CACNA2D4: variants seen among roughly 807,000 people sequenced by gnomAD.
CACNA2D4 encodes calcium voltage-gated channel auxiliary subunit alpha2delta 4.
In CACNA2D4, 157 loss-of-function variants were observed where a neutral mutation model predicts 163.8. That is an observed-to-expected ratio of 0.96 (90% CI 0.84 to 1.09). The LOEUF (loss-of-function observed/expected upper bound fraction) is 1.09. CACNA2D4 is among the 50% of genes least tolerant of loss of function. CACNA2D4 has a pLI of 0.00. For missense variants in CACNA2D4, 1,410 were observed against 1,479.9 expected (o/e 0.95, Z 0.78); for synonymous variants, 598 against 586.9 (o/e 1.02, Z -0.27).
chr12:1,846,648 C>G lies in CACNA2D4; in HGVS notation c.2288G>C (p.Arg763Pro). The G allele has an allele frequency of 6.2e-7, 1 of 1,604,538 alleles. No homozygotes were observed. The change falls in exon 24 of 38, where the codon CGG becomes CCG. Residue 763 changes from arginine to proline, a missense_variant. Coordinates refer to ENST00000382722, the MANE Select transcript of CACNA2D4 (RefSeq NM_172364.5). Reference sequence around the variant, plus strand: ...CAAGCTGCTTCTCAGGAGGCCAGCCCGGGTGCCCAGGAAGGCCATGTCCAC... The same window carrying G: ...CAAGCTGCTTCTCAGGAGGCCAGCCGGGGTGCCCAGGAAGGCCATGTCCAC... ...HVVDMAFLGT[R>P]AGLLRSSLFV...
chr12:1,886,912 G>A (rs77739473), intron 7 of CACNA2D4, 97 bp downstream of exon 7: 17,623 of 784,684 alleles, frequency 0.022, 727 homozygotes, highest in African/African-American at 0.14. Context: ...CTTGAGTGGC[G>A]GTGGGGGAAG....
intron 18 of CACNA2D4, among the ~76,000 whole-genome samples, chr12:1,873,415 T>C (rs1270452077): frequency 6.6e-6 from 1 of 152,168 alleles, no homozygotes; most frequent in Non-Finnish European, 1.5e-5. Context: ...GGACTCTGCC[T>C]CAGTGGCTCT....
intron 16 of CACNA2D4, among the ~76,000 whole-genome samples, chr12:1,877,675 A>G (rs1294368677): frequency 2.0e-5 from 3 of 152,180 alleles, no homozygotes; most frequent in Admixed American, 2.0e-4. Flanking sequence ...TAAGACTGGT[A>G]GAGGGCAAAG....
At chr12:1,886,495 AC>A in intron 7 of CACNA2D4, 122 bp from the exon 8 acceptor site, 1 of 837,434 alleles carries the variant, frequency 1.2e-6, no homozygotes, top group Non-Finnish European at 1.9e-6. Context: ...GTTCAGGGCA[AC>A]CCATCTATGC....
chr12:1,833,042 G>C lies in CACNA2D4; in HGVS notation c.2551+7697C>G, dbSNP rs1864700021. 6.6e-6 allele frequency among the ~76,000 whole-genome samples: 1 copy of C among 152,180 alleles called. No individual in the cohort carries two copies. Among genetic ancestry groups the C allele is most frequent in the South Asian group, 2.1e-4 (1 of 4,834 alleles). ...AGGGGAACTAGGCCGGGTGTCTTCA[G>C]ACCCTCCTCTCCTGTGGTCGCCGGG... On this transcript the variant is annotated intron_variant, in intron 26 of 37. Coordinates refer to ENST00000382722, the MANE Select transcript of CACNA2D4 (RefSeq NM_172364.5). This position sits in a 1 kb window ranked among gnomAD's most constrained non-coding sequence, Gnocchi z 4.2.
At chr12:1,882,825 C>A (rs747366478) in intron 13 of CACNA2D4, 42 bp downstream of exon 13, 1 of 1,609,938 alleles carries the variant, frequency 6.2e-7, no homozygotes. Flanking sequence ...GTCCCTAACT[C>A]TGAGGTGGGC....
At chr12:1,859,476 G>A (rs889735454) in intron 19 of CACNA2D4, among the ~76,000 whole-genome samples, 2 of 152,180 alleles carry the variant, frequency 1.3e-5, no homozygotes, top group Non-Finnish European at 2.9e-5. Flanking sequence ...ATAATTCAGA[G>A]GTAACGACCA....
At chr12:1,850,442 CTCT>C (rs1865246883) in intron 23 of CACNA2D4, among the ~76,000 whole-genome samples, 2 of 152,108 alleles carry the variant, frequency 1.3e-5, no homozygotes, top group Admixed American at 1.3e-4. Context: ...GGTAGTTGAC[CTCT>C]TAAGTCTCAA....
intron 32 of CACNA2D4, 71 bp from the exon 33 acceptor site, chr12:1,800,123 A>G (rs1863262576): frequency 1.4e-6 from 2 of 1,445,826 alleles, no homozygotes; most frequent in African/African-American, 2.8e-5. Context: ...GAGCTGGAGT[A>G]TCCCTGACAG....
intron 26 of CACNA2D4, 117 bp from the exon 27 acceptor site, chr12:1,811,840 A>T: frequency 1.1e-6 from 1 of 901,068 alleles, no homozygotes; most frequent in Admixed American, 2.3e-5. Context: ...ACCGCAGCGG[A>T]TGGGAGGACT....
intron 26 of CACNA2D4, chr12:1,827,766 T>C (rs752412432): frequency 9.5e-6 from 2 of 211,576 alleles, no homozygotes; most frequent in Non-Finnish European, 1.9e-5. Flanking sequence ...CATGAAAACA[T>C]CTGAGTGATC....
chr12:1,811,451 G>A (rs899034002), intron 27 of CACNA2D4, among the ~76,000 whole-genome samples: 41 of 152,194 alleles, frequency 2.7e-4, no homozygotes, highest in African/African-American at 9.6e-4. Context: ...ACTCTGGGTC[G>A]TGCCCTCAGC....
In CACNA2D4 at chr12:1,793,305, G is replaced by T. The variant is rs549857425; in HGVS notation, c.*350C>A. 2 of 320,494 alleles carry T rather than the reference G, an allele frequency of 6.2e-6. No individual in the cohort carries two copies. Among genetic ancestry groups the T allele is most frequent in the Admixed American group, 4.2e-5 (1 of 23,834 alleles). The allele number at this position is 320,494 out of a possible 1,614,324, so 19.9% of individuals were successfully genotyped here. A position where few individuals can be genotyped will look rare whatever the true frequency, so the allele number is the denominator to read the frequency against. On this transcript the variant is annotated 3_prime_UTR_variant, in exon 38 of 38. Transcript: ENST00000382722. ...AAACAACTGACCCTTTCTTGGCTGG[G>T]TCTGGACTCTGGAGTACAGGAAGAA...
chr12:1,898,531 C>T (rs1866457932), intron 6 of CACNA2D4, among the ~76,000 whole-genome samples: 1 of 151,902 alleles, frequency 6.6e-6, no homozygotes, highest in African/African-American at 2.4e-5. Context: ...TGAGATACTA[C>T]CTCACACCCA....
rs1337916961 is a variant in CACNA2D4, at chr12:1,817,884, G to C, written c.2552-6161C>G. On this transcript the variant is annotated intron_variant, in intron 26 of 37. Coordinates refer to ENST00000382722, the MANE Select transcript of CACNA2D4 (RefSeq NM_172364.5). Reference sequence around the variant, plus strand: ...CTTGGCCTCCCAAAGTGCCGAGATTGCAGCCTCTGCCCGGCCACCACCCCG... The same window carrying C: ...CTTGGCCTCCCAAAGTGCCGAGATTCCAGCCTCTGCCCGGCCACCACCCCG... Among the ~76,000 whole-genome samples the C allele has an allele frequency of 3.3e-5, 5 of 152,154 alleles. No individual in the cohort carries two copies. The South Asian group carries it at 6.2e-4, about 19-fold the overall frequency.
rs1459302282 is a variant in CACNA2D4 at position 1,833,757 on chromosome 12, C to T, written c.2551+6982G>A. On this transcript the variant is annotated intron_variant, in intron 26 of 37. Coordinates refer to ENST00000382722, the MANE Select transcript of CACNA2D4 (RefSeq NM_172364.5). The surrounding 1 kb of genome is among the most constrained non-coding windows in gnomAD (Gnocchi z 4.2). The stretch of plus-strand genomic sequence containing the variant: ...CAGCGGCAGGGGCAGTGGGTTTTGA[C>T]TGCTGTCCTTTGAGTGAGAGGTAAG... 6.6e-6 allele frequency among the ~76,000 whole-genome samples: 1 copy of T among 152,216 alleles called. No individual in the cohort carries two copies. The highest frequency in any genetic ancestry group is 2.4e-5 in the African/African-American group (1 of 41,450).
At chr12:1,911,304 C>T (rs1051757073) in intron 3 of CACNA2D4, among the ~76,000 whole-genome samples, 8 of 152,042 alleles carry the variant, frequency 5.3e-5, no homozygotes, top group South Asian at 2.1e-4. Flanking sequence ...CGTGAGCCAC[C>T]GTGCCTGGCA....
At chr12:1,904,685 T>C (rs1192466344) in intron 6 of CACNA2D4, among the ~76,000 whole-genome samples, 1 of 152,056 alleles carries the variant, frequency 6.6e-6, no homozygotes, top group Non-Finnish European at 1.5e-5. Context: ...AATTAGAATG[T>C]TATAATTTTA....
intron 6 of CACNA2D4, among the ~76,000 whole-genome samples, chr12:1,891,925 G>A (rs1403447351): frequency 6.6e-6 from 1 of 152,020 alleles, no homozygotes. Context: ...GTGACATATA[G>A]GACATCATTA....
Sources: allele counts gnomAD v4.1 joint callset (sites outside exome capture counted in the v4.1 genomes callset), GRCh38; gene constraint gnomAD v4.1.1; non-coding constraint Gnocchi (gnomAD v3.1); transcripts MANE v1.5; gene names NCBI Gene and HGNC (gene_info 2026-07-23, HGNC 2026-07-21).